The following CYGB variants were observed in gnomAD, a reference collection of about 807,000 sequenced individuals.
CYGB encodes the protein cytoglobin.
In CYGB, 13 loss-of-function variants were observed where a neutral mutation model predicts 20.7. The observed-to-expected ratio is 0.63, with a 90% CI of 0.41 to 1.00. CYGB has a LOEUF of 1.00. CYGB is among the 50% of genes least tolerant of loss of function. The probability of loss-of-function intolerance (pLI) is 0.00; values close to 1 mark genes in which losing one functional copy is unlikely to be tolerated. For synonymous variants in CYGB, 93 were observed against 107.4 expected (o/e 0.87, Z 0.83); for missense variants, 218 against 257.2 (o/e 0.85, Z 1.04).
At chr17:76,529,512 G>T (rs2074809060) in intron 3 of CYGB, 15 of 985,454 alleles carry the variant, frequency 1.5e-5, no homozygotes, top group Non-Finnish European at 1.8e-5. Flanking sequence ...ATTCACTGGG[G>T]CTCGCGCCCA....
chr17:76,550,041 C>T (rs2075095365), intron 1 of CYGB: 1 of 151,950 alleles, frequency 6.6e-6, no homozygotes, highest in Non-Finnish European at 1.5e-5. Flanking sequence ...CTGCAACCTC[C>T]ACCTCCTGAG....
In CYGB at chr17:76,531,087, G is replaced by A. The variant is rs1449068885; in HGVS notation, c.431C>T (p.Pro144Leu). The A allele has an allele frequency of 1.2e-6, 2 of 1,613,662 alleles. No individual in the cohort carries two copies. The highest frequency in any genetic ancestry group is 1.7e-5 in the Admixed American group (1 of 59,996). ...VVAEEFASDF[P>L]PETQRAWAKL... ...GGCCCAGGCTCTCTGCGTCTCAGGTGGGAAGTCACTGGCAAATTCCTCGGC... is the reference window on the plus strand; with the variant it reads ...GGCCCAGGCTCTCTGCGTCTCAGGTAGGAAGTCACTGGCAAATTCCTCGGC... Residue 144 changes from proline to leucine, a missense_variant, in exon 3 of 4, where the codon CCA (proline) becomes CTA (leucine). Pro to Leu is a moderately conservative substitution (Grantham distance 98). This residue lies in a region of CYGB where 66 missense variants were observed against 107.4 expected (regional missense o/e 0.61). Transcript: ENST00000293230. This position sits in a 1 kb window ranked among gnomAD's most constrained non-coding sequence, Gnocchi z 7.4.
chr17:76,538,864 A>G (rs893853883), upstream of CYGB, among the ~76,000 whole-genome samples: 13 of 152,264 alleles, frequency 8.5e-5, no homozygotes, highest in African/African-American at 2.7e-4. Flanking sequence ...TCCTCGCTCA[A>G]GACTTGATGT....
upstream of CYGB, chr17:76,539,930 G>A (rs1371667587): frequency 8.3e-6 from 5 of 605,770 alleles, no homozygotes; most frequent in Admixed American, 5.7e-5. Flanking sequence ...TGACCCTACC[G>A]CTGGAGGGGA....
chr17:76,527,359 A>G lies in CYGB; in HGVS notation c.*1219T>C. 2.8e-6 allele frequency: 1 copy of G among 353,068 alleles called. No homozygotes were observed. The highest frequency in any genetic ancestry group is 2.1e-5 in the South Asian group (1 of 47,038). 21.9% of individuals were successfully genotyped at this position (353,068 alleles called of 1,614,324 possible). A position where few individuals can be genotyped will look rare whatever the true frequency, so the allele number is the denominator to read the frequency against. On this transcript the variant is annotated 3_prime_UTR_variant, in exon 4 of 4. Transcript: ENST00000293230. ...AGACTGCACGAGTGTGCACAGGTACAGCAAGAACGGGTCTGTTTAATGACA... is the reference window on the plus strand; with the variant it reads ...AGACTGCACGAGTGTGCACAGGTACGGCAAGAACGGGTCTGTTTAATGACA...
rs138222359 is a variant in CYGB, at chr17:76,537,178, G to C, written c.143+222C>G. ...GGACCGAGGTGCTCTCCTGCATCTG[G>C]TTCCTAGATCCTGGTGAACACCGCG... On this transcript the variant is annotated intron_variant, in intron 1 of 3. Coordinates refer to ENST00000293230, the MANE Select transcript of CYGB (RefSeq NM_134268.5). Among the ~76,000 whole-genome samples the C allele has an allele frequency of 1.9e-3, 297 of 152,344 alleles. 1 individual carries two copies. The highest frequency in any genetic ancestry group is 3.4e-3 in the Non-Finnish European group (234 of 68,034).
At chr17:76,541,405 A>G (rs2074992210), upstream of CYGB, among the ~76,000 whole-genome samples, 1 of 152,208 alleles carries the variant, frequency 6.6e-6, no homozygotes, top group Non-Finnish European at 1.5e-5. Flanking sequence ...GTGTCTCCAC[A>G]CAGGGAAGAC....
In CYGB at chr17:76,542,885, T is replaced by C. The variant is rs549967225; in HGVS notation, c.-53+7977A>G. 4.3e-5 allele frequency: 26 copies of C among 598,680 alleles called. No individual in the cohort carries two copies. The East Asian group carries it at 8.9e-4, about 20-fold the overall frequency. The allele number at this position is 598,680 out of a possible 1,614,324, so 37.1% of individuals were successfully genotyped here. ...TGACCACATTTTCTAGGCTTGGGGATGGCGAGGTGGTCGTGCTGGGGCATG... is the reference window on the plus strand; with the variant it reads ...TGACCACATTTTCTAGGCTTGGGGACGGCGAGGTGGTCGTGCTGGGGCATG... On this transcript the variant is annotated intron_variant, in intron 1 of 3. Transcript: ENST00000589145.
At chr17:76,538,385 T>G, upstream of CYGB, 1 of 387,600 alleles carries the variant, frequency 2.6e-6, no homozygotes, top group Non-Finnish European at 5.3e-6. Flanking sequence ...TGAGCGCACC[T>G]CCGACCTCGG....
Position 76,531,789 on chromosome 17 carries a change from T to G in CYGB, c.144-98A>C. The G allele has an allele frequency of 1.0e-6, 1 of 964,228 alleles. No homozygotes were observed. The highest frequency in any genetic ancestry group is 2.5e-5 in the East Asian group (1 of 39,542). The allele number at this position is 964,228 out of a possible 1,614,324, so 59.7% of individuals were successfully genotyped here. A position where few individuals can be genotyped will look rare whatever the true frequency, so the allele number is the denominator to read the frequency against. On this transcript the variant is annotated intron_variant, in intron 1 of 3. Transcript: ENST00000293230. The surrounding 1 kb of genome is among the most constrained non-coding windows in gnomAD (Gnocchi z 7.4). ...TGGGGGCTGAAGAAGTGGACCGCAG[T>G]GCTCCCCACCCCCGCACCGTCACTG...
At chr17:76,539,726 T>C (rs146048824), upstream of CYGB, among the ~76,000 whole-genome samples, 19 of 152,334 alleles carry the variant, frequency 1.2e-4, no homozygotes, top group East Asian at 3.1e-3. Flanking sequence ...AGGCCCTTGC[T>C]CCTCTTTAAA....
intron 1 of CYGB, among the ~76,000 whole-genome samples, chr17:76,532,728 G>A (rs1247072067): frequency 6.6e-6 from 1 of 151,918 alleles, no homozygotes; most frequent in South Asian, 2.1e-4. Context: ...GTAGAGACAG[G>A]GTTTCACCAT....
intron 1 of CYGB, chr17:76,543,060 G>C (rs754238529): frequency 6.4e-6 from 3 of 472,022 alleles, no homozygotes; most frequent in Non-Finnish European, 1.3e-5. Flanking sequence ...TAGCCCAGGA[G>C]GATGCTGTGG....
At position 76,546,654 on chromosome 17, in the gene CYGB, G is replaced by A. The variant is rs2075056578; in HGVS notation, c.-53+4208C>T. 2.6e-5 allele frequency: 4 copies of A among 152,202 alleles called. No individual in the cohort carries two copies. The highest frequency in any genetic ancestry group is 1.3e-4 in the Admixed American group (2 of 15,288). 9.4% of individuals were successfully genotyped at this position (152,202 alleles called of 1,614,324 possible). ...GGAAGAAGCCCAAGACCTAGAGCTA[G>A]AGGAAGATAATGCTTCTTTGTGAAC... On this transcript the variant is annotated intron_variant, in intron 1 of 3. Transcript: ENST00000589145. This position sits in a 1 kb window ranked among gnomAD's most constrained non-coding sequence, Gnocchi z 4.5.
chr17:76,531,372 G>A lies in CYGB; in HGVS notation c.375+88C>T. 6.8e-7 allele frequency: 1 copy of A among 1,479,320 alleles called. No individual in the cohort carries two copies. Among genetic ancestry groups the A allele is most frequent in the Non-Finnish European group, 9.2e-7 (1 of 1,083,624 alleles). The allele number at this position is 1,479,320 out of a possible 1,614,324, so 91.6% of individuals were successfully genotyped here. On this transcript the variant is annotated intron_variant, in intron 2 of 3. Transcript: ENST00000293230. The surrounding 1 kb of genome is among the most constrained non-coding windows in gnomAD (Gnocchi z 7.4). ...AGCCACTCCGGGGATCACCTCTGTT[G>A]CTCCAGAGAGCCGTCGCAGAGCCTG...
chr17:76,539,370 C>T (rs2074960279), upstream of CYGB, among the ~76,000 whole-genome samples: 1 of 152,190 alleles, frequency 6.6e-6, no homozygotes, highest in African/African-American at 2.4e-5. Flanking sequence ...TGAATCTGTA[C>T]AGTAGTCTAG....
At position 76,531,587 on chromosome 17, in the gene CYGB, C is replaced by T; in HGVS notation, c.248G>A (p.Cys83Tyr). 1 of 1,613,980 alleles carries T rather than the reference C, an allele frequency of 6.2e-7. No homozygotes were observed. The highest frequency in any genetic ancestry group is 8.5e-7 in the Non-Finnish European group (1 of 1,179,826). Residue 83 changes from cysteine to tyrosine, a missense_variant, in exon 2 of 4, where the codon TGC (cysteine) becomes TAC (tyrosine). Transcript: ENST00000293230. The surrounding 1 kb of genome is among the most constrained non-coding windows in gnomAD (Gnocchi z 7.4). ...AGTGTTGAGGGCCCCCATGACTCGG[C>T]AGGCGTGCTTCCGCAGCTGGGGGCT... ...ERSPQLRKHA[C>Y]RVMGALNTVV...
At chr17:76,545,956 G>A (rs1598217122) in intron 1 of CYGB, 2 of 157,830 alleles carry the variant, frequency 1.3e-5, no homozygotes, top group African/African-American at 2.4e-5. Context: ...CATTGCTGGG[G>A]TGGGGAAGCC....
chr17:76,529,938 C>A (rs75351718), intron 3 of CYGB: 6 of 985,154 alleles, frequency 6.1e-6, no homozygotes, highest in African/African-American at 1.7e-5. Flanking sequence ...GGAGCCAGCC[C>A]GGGGCCAGTG....
Sources: gnomAD v4.1 joint callset for allele counts (sites outside exome capture counted in the v4.1 genomes callset) on GRCh38, gnomAD v4.1.1 for gene constraint, gnomAD v4.1.1 regional missense constraint, Gnocchi (gnomAD v3.1) non-coding constraint, MANE v1.5 for transcripts, NCBI Gene and HGNC (gene_info 2026-07-23, HGNC 2026-07-21) for gene names.